The following CNTNAP4 variants were observed in gnomAD, a reference collection of about 807,000 sequenced individuals.
CNTNAP4 encodes contactin associated protein family member 4, also known as contactin-associated protein-like 4.
Under a neutral mutation model 148.4 loss-of-function variants are expected in CNTNAP4, and 98 were observed. The observed-to-expected ratio is 0.66, with a 90% CI of 0.56 to 0.78. CNTNAP4 has a LOEUF of 0.78. CNTNAP4 is among the 30% of genes least tolerant of loss of function. The pLI, the probability that CNTNAP4 is intolerant of heterozygous loss-of-function variation, is 0.00. For missense variants in CNTNAP4, 1,935 were observed against 1,565.6 expected, an observed-to-expected ratio of 1.24 and a Z score of -3.98; for synonymous variants, 730 against 565.1, an observed-to-expected ratio of 1.29 and a Z score of -4.14.
At chr16:76,527,509 C>A (rs1442219291) in intron 17 of CNTNAP4, among the ~76,000 whole-genome samples, 2 of 152,052 alleles carry the variant, frequency 1.3e-5, no homozygotes, top group Non-Finnish European at 2.9e-5. Context: ...GTGTGCATAT[C>A]GACTATCCTT....
chr16:76,335,758 C>T (rs538497330), intron 2 of CNTNAP4, among the ~76,000 whole-genome samples: 8 of 152,280 alleles, frequency 5.3e-5, no homozygotes, highest in Admixed American at 1.3e-4. Flanking sequence ...CCCTTATCAG[C>T]CCCAGAGGGC....
At chr16:76,436,687 G>C (rs764838203) in intron 4 of CNTNAP4, among the ~76,000 whole-genome samples, 12 of 152,106 alleles carry the variant, frequency 7.9e-5, no homozygotes, top group Non-Finnish European at 1.8e-4. Flanking sequence ...TATGTATAGA[G>C]TCACTAAACT....
intron 8 of CNTNAP4, among the ~76,000 whole-genome samples, chr16:76,461,618 A>G (rs1381192949): frequency 1.3e-5 from 2 of 152,162 alleles, no homozygotes; most frequent in Non-Finnish European, 2.9e-5. Flanking sequence ...CAGGTAAACC[A>G]TTTTATTGGG....
Position 76,307,536 on chromosome 16 carries a change from A to ATG in CNTNAP4, c.86-8876_86-8875insGT, listed in dbSNP as rs1325130142. On this transcript the variant is annotated intron_variant, in intron 1 of 23. Transcript: ENST00000611870. ...TATATATATATATATATATATATAT[A>ATG]TATACCAAACTCCAGAAATGCTTAC... is the stretch of plus-strand genomic sequence containing the variant. 1.0e-4 allele frequency among the ~76,000 whole-genome samples: 12 copies of ATG among 120,050 alleles called. 1 individual carries two copies. Among genetic ancestry groups the ATG allele is most frequent in the African/African-American group, 3.3e-4 (11 of 33,540 alleles). 78.8% of individuals were successfully genotyped at this position (120,050 alleles called of 152,430 possible).
intron 4 of CNTNAP4, among the ~76,000 whole-genome samples, chr16:76,438,187 A>G (rs937652046): frequency 9.9e-5 from 15 of 152,116 alleles, no homozygotes; most frequent in Non-Finnish European, 1.5e-5. Context: ...TATTTAGAAG[A>G]AGATCAGAGA....
intron 12 of CNTNAP4, among the ~76,000 whole-genome samples, chr16:76,483,166 A>G (rs2081900681): frequency 6.6e-6 from 1 of 151,088 alleles, no homozygotes; most frequent in South Asian, 2.1e-4. Context: ...ATGTTATAGG[A>G]AGTTTCATTC....
rs774679858 is a variant in CNTNAP4 at position 76,489,801 on chromosome 16, T to A, written c.1998T>A (p.Leu666=). The A allele has an allele frequency of 3.9e-5, 62 of 1,607,058 alleles. No homozygotes were observed. Among genetic ancestry groups the A allele is most frequent in the Non-Finnish European group, 5.2e-5 (61 of 1,176,584 alleles). ...AGTATGTGGCCAGCATGGAGCAACT[T>A]CAGGCCACTATTAACCGTGCAGAGC... ...FFEYVASMEQ[L]QATINRAEHC... is the part of the protein sequence containing the mutation. Residue 666 remains leucine (L), a synonymous_variant, in exon 13 of 24, where the codon CTT becomes CTA. Transcript: ENST00000611870.
At chr16:76,506,420 CTTCCTCCCT>C (rs146249481) in intron 15 of CNTNAP4, among the ~76,000 whole-genome samples, 9,067 of 80,564 alleles carry the variant, frequency 0.11, 1,892 homozygotes, top group African/African-American at 0.26. Flanking sequence ...TCCTCCCTTC[CTTCCTCCCT>C]TCCCTTCCCT....
chr16:76,385,585 G>A (rs2016443388), intron 3 of CNTNAP4, among the ~76,000 whole-genome samples: 1 of 151,286 alleles, frequency 6.6e-6, no homozygotes, highest in Non-Finnish European at 1.5e-5. Flanking sequence ...TGTAGAGAGA[G>A]TGAGTTGATT....
chr16:76,513,039 T>C (rs1048061462), intron 15 of CNTNAP4, among the ~76,000 whole-genome samples: 2 of 152,038 alleles, frequency 1.3e-5, no homozygotes, highest in African/African-American at 4.8e-5. Context: ...GAAAATGTAA[T>C]GGTAAATGGG....
chr16:76,353,700 C>T (rs1015311612), intron 2 of CNTNAP4, among the ~76,000 whole-genome samples: 1 of 152,070 alleles, frequency 6.6e-6, no homozygotes, highest in Non-Finnish European at 1.5e-5. Context: ...TCCAGTTTAC[C>T]CTTATGCTGT....
chr16:76,379,959 C>G (rs538814835), intron 3 of CNTNAP4, among the ~76,000 whole-genome samples: 6 of 151,196 alleles, frequency 4.0e-5, no homozygotes, highest in African/African-American at 1.5e-4. Flanking sequence ...GTGTGAAGTC[C>G]TTGACTACGA....
intron 15 of CNTNAP4, among the ~76,000 whole-genome samples, chr16:76,502,431 T>G (rs2082688408): frequency 6.6e-6 from 1 of 151,004 alleles, no homozygotes; most frequent in Non-Finnish European, 1.5e-5. Flanking sequence ...GACTAACAGA[T>G]AGAGGATCAT....
chr16:76,453,260 T>TA (rs1213965753), intron 8 of CNTNAP4, among the ~76,000 whole-genome samples: 1 of 152,202 alleles, frequency 6.6e-6, no homozygotes, highest in Non-Finnish European at 1.5e-5. Context: ...ATGTCTTATG[T>TA]AAAGAGTTGA....
At chr16:76,324,321 A>G (rs1467207724) in intron 2 of CNTNAP4, among the ~76,000 whole-genome samples, 1 of 152,248 alleles carries the variant, frequency 6.6e-6, no homozygotes, top group Non-Finnish European at 1.5e-5. Flanking sequence ...TTTAGTATCC[A>G]TCTGATATTT....
intron 9 of CNTNAP4, among the ~76,000 whole-genome samples, chr16:76,466,814 G>A (rs2081191249): frequency 6.6e-6 from 1 of 152,096 alleles, no homozygotes. Context: ...CCTTGTGTAT[G>A]TGGTTCCTTT....
intron 2 of CNTNAP4, among the ~76,000 whole-genome samples, chr16:76,352,503 C>A (rs951529950): frequency 6.6e-6 from 1 of 152,086 alleles, no homozygotes; most frequent in African/African-American, 2.4e-5. Flanking sequence ...AGAGGCACTG[C>A]GGTGTCCTAG....
intron 1 of CNTNAP4, among the ~76,000 whole-genome samples, chr16:76,290,378 C>T (rs1219491944): frequency 1.3e-5 from 2 of 152,148 alleles, no homozygotes; most frequent in Non-Finnish European, 2.9e-5. Flanking sequence ...ATTCTAAGAA[C>T]CCATATACCA....
Position 76,328,393 on chromosome 16 carries a change from C to CA in CNTNAP4, c.196+11876dup, listed in dbSNP as rs943364200. Among the ~76,000 whole-genome samples the CA allele has an allele frequency of 5.2e-4, 79 of 152,136 alleles. 1 individual carries two copies. The highest frequency in any genetic ancestry group is 1.8e-3 in the African/African-American group (73 of 41,510). The stretch of plus-strand genomic sequence containing the variant: ...CCATTCTCAGAAATGTTAAGGTTGT[C>CA]AAAAAACAAGGAAAGCCTGAAACGG... On this transcript the variant is annotated intron_variant, in intron 2 of 23. Transcript: ENST00000611870.
Sources: gnomAD v4.1 joint callset for allele counts (sites outside exome capture counted in the v4.1 genomes callset) on GRCh38, gnomAD v4.1.1 for gene constraint, MANE v1.5 for transcripts, NCBI Gene and HGNC (gene_info 2026-07-23, HGNC 2026-07-21) for gene names.